Variants in CDH8 observed in about 807,000 individuals in gnomAD.
CDH8 encodes cadherin-8.
CDH8 carries 17 observed loss-of-function variants against 68.1 expected under a neutral mutation model. The ratio of observed to expected loss-of-function variants is 0.25; its 90% CI spans 0.17 to 0.37. CDH8 has a LOEUF of 0.37. CDH8 is among the 10% of genes least tolerant of loss of function. CDH8 has a pLI of 1.00. For missense variants in CDH8, 763 were observed against 999.3 expected, an observed-to-expected ratio of 0.76 and a Z score of 3.19; for synonymous variants, 372 against 365.1, an observed-to-expected ratio of 1.02 and a Z score of -0.21.
intron 4 of CDH8, among the ~76,000 whole-genome samples, chr16:61,851,489 T>C (rs1567499886): frequency 1.3e-5 from 2 of 152,118 alleles, no homozygotes; most frequent in Admixed American, 6.6e-5. Context: ...TTCACTTGCC[T>C]TGCATTTTAT....
chr16:61,981,681 T>TGTGTGTGTGCGCGC (rs747443852), intron 2 of CDH8, among the ~76,000 whole-genome samples: 50 of 141,852 alleles, frequency 3.5e-4, no homozygotes, highest in African/African-American at 1.4e-3. Context: ...TGTGTGTGTG[T>TGTGTGTGTGCGCGC]GCGCGCGCGC....
intron 7 of CDH8, among the ~76,000 whole-genome samples, chr16:61,813,474 G>T (rs1181069185): frequency 2.6e-5 from 4 of 152,122 alleles, no homozygotes; most frequent in Non-Finnish European, 5.9e-5. Flanking sequence ...GGCCTGCCCC[G>T]CAAGTGTTTA....
intron 10 of CDH8, among the ~76,000 whole-genome samples, chr16:61,703,086 C>A (rs1421562402): frequency 1.3e-5 from 2 of 152,052 alleles, no homozygotes; most frequent in African/African-American, 4.8e-5. Flanking sequence ...CAAATAAAAT[C>A]ATAGATATGT....
chr16:62,010,873 G>T (rs993071291), intron 2 of CDH8, among the ~76,000 whole-genome samples: 1 of 151,670 alleles, frequency 6.6e-6, no homozygotes, highest in Non-Finnish European at 1.5e-5. Context: ...AACCCGGGAG[G>T]TGGAGGTTTT....
intron 2 of CDH8, among the ~76,000 whole-genome samples, chr16:61,911,623 A>G (rs895352011): frequency 1.4e-5 from 2 of 145,424 alleles, no homozygotes; most frequent in Non-Finnish European, 3.1e-5. Context: ...AATTCCCTAA[A>G]CCCCCCCCCA....
chr16:62,024,574 A>ATCC (rs1902151790), intron 1 of CDH8, among the ~76,000 whole-genome samples: 4 of 152,138 alleles, frequency 2.6e-5, no homozygotes, highest in Non-Finnish European at 4.4e-5. Context: ...CTCTACCTGA[A>ATCC]CTCACCAGAA....
chr16:61,810,552 C>T (rs965577079), intron 7 of CDH8, among the ~76,000 whole-genome samples: 10 of 151,946 alleles, frequency 6.6e-5, no homozygotes, highest in Non-Finnish European at 1.3e-4. Context: ...ATAAAATCTA[C>T]CTTCAAATTA....
intron 3 of CDH8, among the ~76,000 whole-genome samples, chr16:61,868,446 G>C (rs1197622376): frequency 6.6e-6 from 1 of 151,958 alleles, no homozygotes; most frequent in Non-Finnish European, 1.5e-5. Context: ...TTTTCATTTT[G>C]AATTTATTAA....
At chr16:61,949,469 TC>T (rs1236230368) in intron 2 of CDH8, among the ~76,000 whole-genome samples, 1 of 152,062 alleles carries the variant, frequency 6.6e-6, no homozygotes, top group African/African-American at 2.4e-5. Context: ...TGGGTCCCCT[TC>T]CACACTGTGG....
In CDH8 at chr16:61,972,585, T is replaced by G. The variant is rs989561579; in HGVS notation, c.252+48567A>C. Among the ~76,000 whole-genome samples the G allele has an allele frequency of 1.1e-3, 160 of 150,876 alleles. 1 individual carries two copies. The highest frequency in any genetic ancestry group is 4.3e-4 in the Non-Finnish European group (29 of 67,726). ...AACACATTGTGGGTGTGTGTGTGTGTGTGTGTGTGTGTGTGTGTGTGTGTG... is the reference window on the plus strand; with the variant it reads ...AACACATTGTGGGTGTGTGTGTGTGGGTGTGTGTGTGTGTGTGTGTGTGTG... On this transcript the variant is annotated intron_variant, in intron 2 of 11. Coordinates refer to ENST00000577390, the MANE Select transcript of CDH8 (RefSeq NM_001796.5).
At chr16:61,855,661 T>C (rs2143014914) in intron 4 of CDH8, among the ~76,000 whole-genome samples, 1 of 152,270 alleles carries the variant, frequency 6.6e-6, no homozygotes, top group Middle Eastern at 3.4e-3. Context: ...TCAGGTCCAT[T>C]TTGGCATCTA....
At chr16:62,035,245 C>T (rs1902426846) in intron 1 of CDH8, 2 of 152,362 alleles carry the variant, frequency 1.3e-5, no homozygotes, top group South Asian at 4.1e-4. Flanking sequence ...CGACCAGCCC[C>T]TCAAAGGTTC....
intron 9 of CDH8, among the ~76,000 whole-genome samples, chr16:61,716,997 C>T (rs1460829903): frequency 4.0e-5 from 6 of 151,676 alleles, no homozygotes; most frequent in South Asian, 2.1e-4. Flanking sequence ...ATTGACATAC[C>T]GAGTAGAGGG....
At chr16:61,990,511 A>G (rs973927795) in intron 2 of CDH8, among the ~76,000 whole-genome samples, 1 of 151,562 alleles carries the variant, frequency 6.6e-6, no homozygotes, top group African/African-American at 2.4e-5. Flanking sequence ...AGGCATTCCT[A>G]TTTTACAGGT....
intron 11 of CDH8, among the ~76,000 whole-genome samples, chr16:61,654,884 A>G (rs1963407034): frequency 6.6e-6 from 1 of 152,204 alleles, no homozygotes; most frequent in Admixed American, 6.5e-5. Context: ...CTACTGTATA[A>G]TCGCATTGTT....
chr16:61,771,908 A>G (rs1339349953), intron 8 of CDH8, among the ~76,000 whole-genome samples: 1 of 151,830 alleles, frequency 6.6e-6, no homozygotes, highest in Non-Finnish European at 1.5e-5. Flanking sequence ...TTTCCTCCAT[A>G]CTTGTCATCC....
chr16:61,896,159 G>A (rs1201059082), intron 3 of CDH8, among the ~76,000 whole-genome samples: 2 of 152,104 alleles, frequency 1.3e-5, no homozygotes, highest in African/African-American at 4.8e-5. Flanking sequence ...CTTCAGCAAC[G>A]CTAGTTTGGG....
At chr16:61,808,463 T>C (rs982198840) in intron 7 of CDH8, among the ~76,000 whole-genome samples, 1 of 152,196 alleles carries the variant, frequency 6.6e-6, no homozygotes, top group Non-Finnish European at 1.5e-5. Flanking sequence ...TTATTGGTTA[T>C]GAAAATTTCC....
chr16:61,652,870 T>C lies in CDH8; in HGVS notation c.*738A>G, dbSNP rs1963353040. The C allele has an allele frequency of 1.3e-6, 2 of 1,524,222 alleles. No homozygotes were observed. Among genetic ancestry groups the C allele is most frequent in the South Asian group, 1.2e-5 (1 of 81,210 alleles). The allele number at this position is 1,524,222 out of a possible 1,614,324, so 94.4% of individuals were successfully genotyped here. ...ATCTTTGTGTCCTTGTGGAAGAAGA[T>C]GAAGAGGAGGGAACGAGGAATCCTG... is the stretch of plus-strand genomic sequence containing the variant. On this transcript the variant is annotated 3_prime_UTR_variant, in exon 12 of 12. Transcript: ENST00000577390.
Sources: allele counts gnomAD v4.1 joint callset (sites outside exome capture counted in the v4.1 genomes callset), GRCh38; gene constraint gnomAD v4.1.1; transcripts MANE v1.5; gene names NCBI Gene and HGNC (gene_info 2026-07-23, HGNC 2026-07-21).